Variants in RUNDC3B observed in about 807,000 individuals in gnomAD.
RUNDC3B encodes RUN domain-containing protein 3B.
RUNDC3B carries 33 observed loss-of-function variants against 58.4 expected under a neutral mutation model. That is an observed-to-expected ratio of 0.56 (90% CI 0.43 to 0.75). The LOEUF (loss-of-function observed/expected upper bound fraction) is 0.75, where lower values mean the gene tolerates loss of function less well. Ranked by LOEUF, RUNDC3B falls within the 30% of genes least tolerant of loss-of-function variation. RUNDC3B has a pLI of 0.00. For synonymous variants in RUNDC3B, 193 were observed against 195.2 expected, an observed-to-expected ratio of 0.99 and a Z score of 0.10; for missense variants, 501 against 535.7, an observed-to-expected ratio of 0.94 and a Z score of 0.64.
At chr7:87,649,037 T>A (rs1387065560) in intron 1 of RUNDC3B, among the ~76,000 whole-genome samples, 3 of 152,188 alleles carry the variant, frequency 2.0e-5, no homozygotes, top group Non-Finnish European at 2.9e-5. Flanking sequence ...TACTCTTTTA[T>A]CTCCTTTATA....
At chr7:87,715,446 T>C (rs932346623) in intron 4 of RUNDC3B, among the ~76,000 whole-genome samples, 8 of 129,838 alleles carry the variant, frequency 6.2e-5, no homozygotes, top group South Asian at 2.1e-4. Context: ...ATTAATATAA[T>C]ATATAATTAT....
chr7:87,703,580 A>G (rs1488413476), intron 3 of RUNDC3B, among the ~76,000 whole-genome samples: 1 of 151,802 alleles, frequency 6.6e-6, no homozygotes, highest in Admixed American at 6.6e-5. Flanking sequence ...ATATCTTTCA[A>G]CTCTCTCAGG....
At chr7:87,771,976 A>G (rs1834310137) in intron 7 of RUNDC3B, among the ~76,000 whole-genome samples, 1 of 152,218 alleles carries the variant, frequency 6.6e-6, no homozygotes, top group South Asian at 2.1e-4. Context: ...TCTGTGATAA[A>G]TACTGCCATC....
At chr7:87,673,003 C>T (rs1456594928) in intron 2 of RUNDC3B, among the ~76,000 whole-genome samples, 2 of 152,162 alleles carry the variant, frequency 1.3e-5, no homozygotes, top group African/African-American at 4.8e-5. Context: ...CTGACTACTC[C>T]CCTGGAATTC....
At chr7:87,759,052 A>G (rs1833534681) in intron 6 of RUNDC3B, among the ~76,000 whole-genome samples, 1 of 152,208 alleles carries the variant, frequency 6.6e-6, no homozygotes, top group Admixed American at 6.5e-5. Context: ...TTGCAGTACT[A>G]TTCACAATAG....
At chr7:87,714,691 T>C (rs1168423265) in intron 4 of RUNDC3B, among the ~76,000 whole-genome samples, 2 of 152,122 alleles carry the variant, frequency 1.3e-5, no homozygotes, top group Non-Finnish European at 2.9e-5. Flanking sequence ...GGAGTATGCC[T>C]TAACCCTAAA....
Position 87,720,540 on chromosome 7 carries a change from ATATGTGTGTGTGTGTGTG to A in RUNDC3B, c.458+9887_458+9904del. On this transcript the variant is annotated intron_variant, in intron 4 of 10. Coordinates refer to ENST00000394654, the MANE Select transcript of RUNDC3B (RefSeq NM_001134405.2). ...CACAAATTTAAGCAGAAGATAGGATATATGTGTGTGTGTGTGTGTGTGTGTGTGTGTGTGTATGCAATA... is the reference window on the plus strand; with the variant it reads ...CACAAATTTAAGCAGAAGATAGGATATGTGTGTGTGTGTGTGTATGCAATA... Among the ~76,000 whole-genome samples the A allele has an allele frequency of 3.0e-5, 3 of 100,854 alleles. No homozygotes were observed. The South Asian group carries it at 1.3e-3, about 45-fold the overall frequency. The allele number at this position is 100,854 out of a possible 152,430, so 66.2% of individuals were successfully genotyped here.
At chr7:87,734,691 G>A (rs976885612) in intron 4 of RUNDC3B, among the ~76,000 whole-genome samples, 2 of 151,872 alleles carry the variant, frequency 1.3e-5, no homozygotes, top group African/African-American at 4.8e-5. Context: ...ACTCTTGTCT[G>A]GCTTCTGCCC....
In RUNDC3B at chr7:87,823,187, T is replaced by C. The variant is rs1351663385; in HGVS notation, c.1226-6698T>C. Among the ~76,000 whole-genome samples the C allele has an allele frequency of 2.6e-5, 4 of 152,216 alleles. No individual in the cohort carries two copies. In the East Asian group the frequency reaches 7.7e-4, roughly 29 times the overall value. The stretch of plus-strand genomic sequence containing the variant: ...TTAGCCAGATCTATTACCAAAGTTA[T>C]GCAAACCTCTGGCCTTCCAAGATGA... On this transcript the variant is annotated intron_variant, in intron 10 of 10. Transcript: ENST00000394654.
At chr7:87,667,452 T>A (rs1261382736) in intron 2 of RUNDC3B, among the ~76,000 whole-genome samples, 1 of 152,118 alleles carries the variant, frequency 6.6e-6, no homozygotes, top group South Asian at 2.1e-4. Context: ...ATAGTTTAAC[T>A]TTCTCTTTTC....
intron 8 of RUNDC3B, among the ~76,000 whole-genome samples, chr7:87,805,808 G>A (rs547259773): frequency 6.6e-6 from 1 of 152,148 alleles, no homozygotes; most frequent in Admixed American, 6.6e-5. Flanking sequence ...TTCCAGTAAT[G>A]TTCACTAGAT....
intron 5 of RUNDC3B, among the ~76,000 whole-genome samples, chr7:87,740,969 C>G (rs1029616314): frequency 1.3e-5 from 2 of 152,088 alleles, no homozygotes; most frequent in Non-Finnish European, 2.9e-5. Context: ...CTTTAGGAGG[C>G]TGAGGCGGGC....
chr7:87,700,717 C>A, intron 3 of RUNDC3B, 163 bp downstream of exon 3: 1 of 624,468 alleles, frequency 1.6e-6, no homozygotes, highest in Non-Finnish European at 2.6e-6. Flanking sequence ...ATTATCTAAA[C>A]TAGTGGCTCT....
intron 2 of RUNDC3B, among the ~76,000 whole-genome samples, chr7:87,691,043 C>G (rs1322402348): frequency 6.6e-6 from 1 of 151,718 alleles, no homozygotes; most frequent in Non-Finnish European, 1.5e-5. Flanking sequence ...ATTCAATGAT[C>G]AAAGAAATGG....
intron 4 of RUNDC3B, among the ~76,000 whole-genome samples, chr7:87,735,672 G>A (rs1373054413): frequency 6.6e-6 from 1 of 152,138 alleles, no homozygotes; most frequent in Non-Finnish European, 1.5e-5. Flanking sequence ...ATGTTCTGTG[G>A]CCTGCAAAGC....
intron 6 of RUNDC3B, among the ~76,000 whole-genome samples, chr7:87,753,473 G>A (rs966578152): frequency 1.3e-5 from 2 of 152,094 alleles, no homozygotes; most frequent in Admixed American, 1.3e-4. Context: ...TGACAGTGGG[G>A]TGTTAAAATC....
chr7:87,701,444 A>G (rs1047282052), intron 3 of RUNDC3B, among the ~76,000 whole-genome samples: 1 of 152,222 alleles, frequency 6.6e-6, no homozygotes, highest in African/African-American at 2.4e-5. Context: ...GTTGATATCA[A>G]CAAATGTATT....
intron 9 of RUNDC3B, among the ~76,000 whole-genome samples, chr7:87,811,998 C>T (rs1331437831): frequency 6.6e-6 from 1 of 152,146 alleles, no homozygotes; most frequent in African/African-American, 2.4e-5. Flanking sequence ...GGATAATGCT[C>T]ATCTCCTTCT....
At chr7:87,693,041 G>C (rs1828155961) in intron 2 of RUNDC3B, among the ~76,000 whole-genome samples, 1 of 152,168 alleles carries the variant, frequency 6.6e-6, no homozygotes, top group African/African-American at 2.4e-5. Flanking sequence ...AAGGATCTAA[G>C]TGTTTGGAAA....
Sources: gnomAD v4.1 joint callset for allele counts (sites outside exome capture counted in the v4.1 genomes callset) on GRCh38, gnomAD v4.1.1 for gene constraint, MANE v1.5 for transcripts, NCBI Gene and HGNC (gene_info 2026-07-23, HGNC 2026-07-21) for gene names.